NPAS2: variants seen among roughly 807,000 people sequenced by gnomAD.
NPAS2 encodes the protein neuronal PAS domain-containing protein 2.
NPAS2 carries 23 observed loss-of-function variants against 107.5 expected under a neutral mutation model. The ratio of observed to expected loss-of-function variants is 0.21; its 90% CI spans 0.15 to 0.30. The LOEUF (loss-of-function observed/expected upper bound fraction) is 0.30, where lower values mean the gene tolerates loss of function less well. NPAS2 is among the 10% of genes least tolerant of loss of function. The pLI is 1.00. For synonymous variants in NPAS2, 403 were observed against 417.5 expected, an observed-to-expected ratio of 0.97 and a Z score of 0.42; for missense variants, 756 against 1,043.3, an observed-to-expected ratio of 0.72 and a Z score of 3.79.
chr2:100,968,032 C>T lies in NPAS2; in HGVS notation c.908-249C>T, dbSNP rs530793046. Among the ~76,000 whole-genome samples, 1 of 152,320 alleles carries T rather than the reference C, an allele frequency of 6.6e-6. No homozygotes were observed. Among genetic ancestry groups the T allele is most frequent in the African/African-American group, 2.4e-5 (1 of 41,570 alleles). On this transcript the variant is annotated intron_variant, in intron 10 of 20. Transcript: ENST00000335681. This position sits in a 1 kb window ranked among gnomAD's most constrained non-coding sequence, Gnocchi z 5.3. ...CAGTTTGAAAATCTGTCTGCATCTGCCCTTATCTGAGGATCTCTTTAAGCG... is the reference window on the plus strand; with the variant it reads ...CAGTTTGAAAATCTGTCTGCATCTGTCCTTATCTGAGGATCTCTTTAAGCG...
intron 1 of NPAS2, among the ~76,000 whole-genome samples, chr2:100,893,334 G>A (rs547483171): frequency 3.4e-4 from 52 of 152,318 alleles, no homozygotes; most frequent in African/African-American, 1.1e-3. Flanking sequence ...CCCATCAATT[G>A]GGGAGATGTG....
At chr2:100,859,980 T>G (rs1016681683) in intron 1 of NPAS2, among the ~76,000 whole-genome samples, 1 of 152,236 alleles carries the variant, frequency 6.6e-6, no homozygotes. Flanking sequence ...TTCCTGTGTA[T>G]GTATCCATGA....
intron 1 of NPAS2, among the ~76,000 whole-genome samples, chr2:100,842,384 T>C (rs1677493141): frequency 6.6e-6 from 1 of 152,128 alleles, no homozygotes; most frequent in Admixed American, 6.6e-5. Context: ...ACAGAATGCA[T>C]CGTGCGCCAT....
chr2:100,847,711 C>T (rs4611661), intron 1 of NPAS2, among the ~76,000 whole-genome samples: 119,714 of 151,874 alleles, frequency 0.79, 47,971 homozygotes, highest in African/African-American at 0.92. Context: ...GATGGGGAAC[C>T]CGGCAAGGTG....
chr2:100,833,430 G>T (rs1459262703), intron 1 of NPAS2, among the ~76,000 whole-genome samples: 1 of 152,246 alleles, frequency 6.6e-6, no homozygotes, highest in Non-Finnish European at 1.5e-5. Flanking sequence ...GTAAATGCCA[G>T]CCTCAAGGTG....
chr2:100,995,246 G>C, intron 20 of NPAS2, 154 bp from the exon 21 acceptor site: 4 of 544,316 alleles, frequency 7.3e-6, no homozygotes, highest in Non-Finnish European at 6.3e-6. Flanking sequence ...CACACCCCCA[G>C]GTCTTGCCAG....
Position 100,932,898 on chromosome 2 carries a change from T to C in NPAS2, c.182-12T>C, listed in dbSNP as rs1156618050. The stretch of plus-strand genomic sequence containing the variant: ...CATTGAATATAAAGGCTTATTTGTG[T>C]CTCTTTTCTAGAAGTCTCAGCGCAA... On this transcript the variant is annotated splice_polypyrimidine_tract_variant and intron_variant, in intron 3 of 20. Coordinates refer to ENST00000335681, the MANE Select transcript of NPAS2 (RefSeq NM_002518.4). 1 of 1,600,470 alleles carries C rather than the reference T, an allele frequency of 6.2e-7. No individual in the cohort carries two copies. Among genetic ancestry groups the C allele is most frequent in the Non-Finnish European group, 8.6e-7 (1 of 1,167,610 alleles).
At chr2:100,889,156 C>A (rs116368872) in intron 1 of NPAS2, among the ~76,000 whole-genome samples, 127 of 152,306 alleles carry the variant, frequency 8.3e-4, no homozygotes, top group African/African-American at 3.0e-3. Context: ...TCAGTCATTT[C>A]TACCTGTCCC....
chr2:100,969,075 C>T (rs530132375), intron 11 of NPAS2, among the ~76,000 whole-genome samples: 2 of 152,212 alleles, frequency 1.3e-5, no homozygotes, highest in South Asian at 2.1e-4. Context: ...GTCTTCTCCC[C>T]GACTACGGAA....
chr2:100,974,121 C>T (rs900880001), intron 12 of NPAS2, among the ~76,000 whole-genome samples: 14 of 152,260 alleles, frequency 9.2e-5, no homozygotes, highest in Non-Finnish European at 1.8e-4. Context: ...GGATTACAGG[C>T]GTGAGCCACC....
At chr2:100,885,036 C>A (rs1358268960) in intron 1 of NPAS2, among the ~76,000 whole-genome samples, 1 of 151,946 alleles carries the variant, frequency 6.6e-6, no homozygotes, top group Non-Finnish European at 1.5e-5. Flanking sequence ...GCAAGCTTCA[C>A]CTTCTGGGTT....
At chr2:100,914,948 A>G (rs1331920932) in intron 2 of NPAS2, among the ~76,000 whole-genome samples, 1 of 152,162 alleles carries the variant, frequency 6.6e-6, no homozygotes, top group Non-Finnish European at 1.5e-5. Context: ...AATATCTCCT[A>G]GCCTAGACTC....
At chr2:100,843,964 A>G (rs918970738) in intron 1 of NPAS2, among the ~76,000 whole-genome samples, 1 of 152,148 alleles carries the variant, frequency 6.6e-6, no homozygotes, top group East Asian at 1.9e-4. Context: ...CAGAAATGGA[A>G]GATTCCAATG....
intron 1 of NPAS2, among the ~76,000 whole-genome samples, chr2:100,886,753 A>G (rs1224235190): frequency 6.6e-6 from 1 of 152,190 alleles, no homozygotes; most frequent in Non-Finnish European, 1.5e-5. Flanking sequence ...ATCTCCTTTA[A>G]TATCCTCTAG....
chr2:100,996,014 T>A lies in NPAS2; in HGVS notation c.*432T>A. 7 of 1,161,594 alleles carry A rather than the reference T, an allele frequency of 6.0e-6. No homozygotes were observed. The highest frequency in any genetic ancestry group is 7.7e-6 in the Non-Finnish European group (7 of 906,700). 72.0% of individuals were successfully genotyped at this position (1,161,594 alleles called of 1,614,324 possible). A position where few individuals can be genotyped will look rare whatever the true frequency, so the allele number is the denominator to read the frequency against. On this transcript the variant is annotated 3_prime_UTR_variant, in exon 21 of 21. Transcript: ENST00000335681. ...GAGAAGGACTGGGTCAGAGATCTGT[T>A]GGAGAGAGAGAATAAAGAGATTATT...
At position 100,977,788 on chromosome 2, in the gene NPAS2, C is replaced by T; in HGVS notation, c.1471C>T (p.Pro491Ser). The change falls in exon 15 of 21, where the codon CCC (proline) becomes TCC (serine). Residue 491 changes from proline to serine, a missense_variant. Coordinates refer to ENST00000335681, the MANE Select transcript of NPAS2 (RefSeq NM_002518.4). ...GACCGTTCTGCAGAGCACGCCCGCT[C>T]CCATGGCACAGGTGAGTCTGGGACC... The part of the protein sequence containing the change: ...PQTVLQSTPA[P>S]MAQFSAQFSM... The T allele has an allele frequency of 6.2e-7, 1 of 1,614,012 alleles. No homozygotes were observed. The highest frequency in any genetic ancestry group is 1.6e-4 in the Middle Eastern group (1 of 6,062).
At chr2:100,932,765 G>A (rs1001351050) in intron 3 of NPAS2, 145 bp from the exon 4 acceptor site, 4 of 623,340 alleles carry the variant, frequency 6.4e-6, no homozygotes, top group South Asian at 3.9e-5. Context: ...GGAAATCAGG[G>A]TAACATATTT....
At chr2:100,871,093 G>A (rs1034717318) in intron 1 of NPAS2, among the ~76,000 whole-genome samples, 1 of 152,158 alleles carries the variant, frequency 6.6e-6, no homozygotes, top group Non-Finnish European at 1.5e-5. Context: ...CTAAGGCAGG[G>A]GTTGGCCAAC....
intron 1 of NPAS2, among the ~76,000 whole-genome samples, chr2:100,897,686 C>T (rs577832172): frequency 1.3e-5 from 2 of 152,274 alleles, no homozygotes; most frequent in East Asian, 1.9e-4. Flanking sequence ...CCCCGAACCC[C>T]GTCCCACCCA....
Sources: allele counts gnomAD v4.1 joint callset (sites outside exome capture counted in the v4.1 genomes callset), GRCh38; gene constraint gnomAD v4.1.1; non-coding constraint Gnocchi (gnomAD v3.1); transcripts MANE v1.5; gene names NCBI Gene and HGNC (gene_info 2026-07-23, HGNC 2026-07-21).